The following EPC2 variants were observed in gnomAD, a reference collection of about 807,000 sequenced individuals.
EPC2 encodes enhancer of polycomb 2.
EPC2 carries 14 observed loss-of-function variants against 92.1 expected under a neutral mutation model. The observed-to-expected ratio is 0.15, with a 90% CI of 0.10 to 0.24. The LOEUF (loss-of-function observed/expected upper bound fraction) is 0.24, where lower values mean the gene tolerates loss of function less well. Among genes scored for constraint, EPC2 ranks in the 10% least tolerant of loss-of-function variants. The probability of loss-of-function intolerance (pLI) is 1.00; values close to 1 mark genes in which losing one functional copy is unlikely to be tolerated. For synonymous variants in EPC2, 340 were observed against 334.7 expected (o/e 1.02, Z -0.17); for missense variants, 755 against 971.5 (o/e 0.78, Z 2.96).
intron 2 of EPC2, among the ~76,000 whole-genome samples, chr2:148,715,856 C>G (rs1682250633): frequency 6.6e-6 from 1 of 152,188 alleles, no homozygotes; most frequent in Admixed American, 6.5e-5. Flanking sequence ...CACCCATGAA[C>G]ATGGAATGTT....
intron 10 of EPC2, 24 bp from the exon 11 acceptor site, chr2:148,781,620 T>G: frequency 6.3e-7 from 1 of 1,597,184 alleles, no homozygotes; most frequent in South Asian, 1.1e-5. Flanking sequence ...CGTACTCATT[T>G]CCAAAATTCA....
intron 1 of EPC2, among the ~76,000 whole-genome samples, chr2:148,654,172 C>T (rs1680742773): frequency 6.6e-6 from 1 of 152,082 alleles, no homozygotes; most frequent in African/African-American, 2.4e-5. Context: ...TGGTCTTGAT[C>T]TCTTGACCTC....
intron 2 of EPC2, among the ~76,000 whole-genome samples, chr2:148,724,533 A>G (rs189453299): frequency 2.0e-5 from 3 of 152,238 alleles, no homozygotes; most frequent in Admixed American, 6.5e-5. Flanking sequence ...AGTAGGTTTT[A>G]TATTGTGTTC....
chr2:148,715,448 C>T (rs1303477382), intron 2 of EPC2, among the ~76,000 whole-genome samples: 2 of 152,142 alleles, frequency 1.3e-5, no homozygotes, highest in Non-Finnish European at 2.9e-5. Flanking sequence ...ATATGGCTAG[C>T]CAGTTTTCCG....
In EPC2 at chr2:148,645,753, C is replaced by T. The variant is rs1294873660; in HGVS notation, c.153+583C>T. ...CGGGGGCCACGACTACCGAGCGGGT[C>T]GTAGCGTCCGAGGGCCGCCCGCCGG... On this transcript the variant is annotated intron_variant, in intron 1 of 13. Transcript: ENST00000258484. Among the ~76,000 whole-genome samples, 4 of 152,240 alleles carry T rather than the reference C, an allele frequency of 2.6e-5. No homozygotes were observed. The South Asian group carries it at 6.2e-4, about 24-fold the overall frequency.
chr2:148,677,501 T>C (rs913329027), intron 1 of EPC2, among the ~76,000 whole-genome samples: 18 of 152,286 alleles, frequency 1.2e-4, no homozygotes, highest in African/African-American at 4.3e-4. Context: ...ATAGTGAGAC[T>C]CCATCTCTAT....
chr2:148,712,641 A>G (rs961796304), intron 2 of EPC2, among the ~76,000 whole-genome samples: 1 of 151,800 alleles, frequency 6.6e-6, no homozygotes, highest in African/African-American at 2.4e-5. Context: ...TGTAATCCCA[A>G]TACTTTGGGA....
At chr2:148,690,790 G>A (rs1421035116) in intron 2 of EPC2, among the ~76,000 whole-genome samples, 1 of 152,046 alleles carries the variant, frequency 6.6e-6, no homozygotes. Context: ...AGCCTACTGA[G>A]TAGTTGGGAT....
intron 11 of EPC2, among the ~76,000 whole-genome samples, chr2:148,782,537 C>CA (rs766289359): frequency 1.1e-4 from 15 of 136,208 alleles, no homozygotes; most frequent in African/African-American, 3.1e-4. Flanking sequence ...ACTATGTCTC[C>CA]AAAAAAAACA....
At chr2:148,726,269 G>A (rs78645725) in intron 2 of EPC2, among the ~76,000 whole-genome samples, 3,194 of 152,240 alleles carry the variant, frequency 0.021, 113 homozygotes, top group African/African-American at 0.072. Flanking sequence ...ATGTGGACAC[G>A]TCTCTTCAAG....
intron 2 of EPC2, among the ~76,000 whole-genome samples, chr2:148,719,309 G>A (rs1371094700): frequency 1.3e-5 from 2 of 152,090 alleles, no homozygotes; most frequent in South Asian, 4.2e-4. Flanking sequence ...TCATTTGGAG[G>A]AAAAGGACAC....
chr2:148,758,218 C>A (rs1301139216), intron 4 of EPC2, among the ~76,000 whole-genome samples: 2 of 152,026 alleles, frequency 1.3e-5, no homozygotes, highest in African/African-American at 4.8e-5. Flanking sequence ...CAGTAGATTT[C>A]CAAAGCTGTA....
chr2:148,710,108 G>C lies in EPC2; in HGVS notation c.313+19735G>C, dbSNP rs557270503. Among the ~76,000 whole-genome samples, 10 of 152,126 alleles carry C rather than the reference G, an allele frequency of 6.6e-5. No individual in the cohort carries two copies. In the South Asian group the frequency reaches 2.1e-3, roughly 32 times the overall value. On this transcript the variant is annotated intron_variant, in intron 2 of 13. Coordinates refer to ENST00000258484, the MANE Select transcript of EPC2 (RefSeq NM_015630.4). Reference sequence around the variant, plus strand: ...TTTGCAATCTACTCATCTGACAAAGGGGTAATATCCAGAATCTACAAAGAA... The same window carrying C: ...TTTGCAATCTACTCATCTGACAAAGCGGTAATATCCAGAATCTACAAAGAA...
rs113825736 is a variant in EPC2, at chr2:148,678,860, C to T, written c.154-11354C>T. Among the ~76,000 whole-genome samples the T allele has an allele frequency of 9.7e-3, 1,479 of 152,340 alleles. 23 individuals carry two copies. The highest frequency in any genetic ancestry group is 0.033 in the African/African-American group (1,388 of 41,580). ...CACAGTGCAGCGGTGGGCTGAAGGG[C>T]TCCTCAAGTGCCGCCAAAGTGGGAG... is the stretch of plus-strand genomic sequence containing the variant. On this transcript the variant is annotated intron_variant, in intron 1 of 13. Coordinates refer to ENST00000258484, the MANE Select transcript of EPC2 (RefSeq NM_015630.4).
At chr2:148,652,486 A>G (rs1167192584) in intron 1 of EPC2, among the ~76,000 whole-genome samples, 2 of 152,218 alleles carry the variant, frequency 1.3e-5, no homozygotes, top group East Asian at 3.8e-4. Flanking sequence ...CAAAGTTGTA[A>G]GGGATGAGTT....
chr2:148,682,085 T>C (rs532003765), intron 1 of EPC2, among the ~76,000 whole-genome samples: 1 of 152,330 alleles, frequency 6.6e-6, no homozygotes, highest in South Asian at 2.1e-4. Context: ...TATTCTGTGG[T>C]GTATATGTGC....
chr2:148,780,877 C>T (rs1254166286), intron 10 of EPC2, among the ~76,000 whole-genome samples: 3 of 152,096 alleles, frequency 2.0e-5, no homozygotes, highest in East Asian at 1.9e-4. Context: ...TAAATATCAA[C>T]GAATGAAATT....
intron 2 of EPC2, chr2:148,691,484 G>A: frequency 6.5e-7 from 1 of 1,543,184 alleles, no homozygotes; most frequent in Non-Finnish European, 8.8e-7. Context: ...CTTTAAGACT[G>A]ACTATAAGAT....
intron 1 of EPC2, among the ~76,000 whole-genome samples, chr2:148,664,411 T>G (rs1419376055): frequency 1.3e-5 from 2 of 152,138 alleles, no homozygotes; most frequent in Non-Finnish European, 2.9e-5. Flanking sequence ...GGTGCAAGGA[T>G]CACTTGAGCC....
Sources: allele counts gnomAD v4.1 joint callset (sites outside exome capture counted in the v4.1 genomes callset), GRCh38; gene constraint gnomAD v4.1.1; transcripts MANE v1.5; gene names NCBI Gene and HGNC (gene_info 2026-07-23, HGNC 2026-07-21).